ENOX1: variants seen among roughly 807,000 people sequenced by gnomAD.
ENOX1 encodes candidate growth-related and time keeping constitutive hydroquinone (NADH) oxidase.
A neutral mutation model predicts 82.5 loss-of-function variants in ENOX1; 42 were observed. The observed-to-expected ratio is 0.51, with a 90% CI of 0.40 to 0.66. The LOEUF is 0.66. ENOX1 is among the 30% of genes least tolerant of loss of function. ENOX1 has a pLI of 0.00. For synonymous variants in ENOX1, 271 were observed against 282.2 expected (o/e 0.96, Z 0.40); for missense variants, 608 against 811.6 (o/e 0.75, Z 3.05).
Position 43,265,248 on chromosome 13 carries a change from T to C in ENOX1, c.1611+150A>G, listed in dbSNP as rs1228671357. The C allele has an allele frequency of 6.8e-6, 4 of 588,036 alleles. No individual in the cohort carries two copies. In the Admixed American group the frequency reaches 1.2e-4, roughly 17 times the overall value. The allele number at this position is 588,036 out of a possible 1,614,324, so 36.4% of individuals were successfully genotyped here. On this transcript the variant is annotated intron_variant, in intron 14 of 16. Coordinates refer to ENST00000690772, the MANE Select transcript of ENOX1 (RefSeq NM_001347969.2). ...GGCTGACAATAGCAGTGCCTGTCAA[T>C]CACATTTTCTTGCCAAACCCATATA...
intron 11 of ENOX1, among the ~76,000 whole-genome samples, chr13:43,310,615 C>A (rs1194916011): frequency 6.6e-6 from 1 of 151,954 alleles, no homozygotes; most frequent in East Asian, 1.9e-4. Context: ...TCCTTAGGAG[C>A]CTAAGTGTTA....
intron 15 of ENOX1, among the ~76,000 whole-genome samples, chr13:43,227,688 C>T (rs1238141175): frequency 6.6e-6 from 1 of 152,008 alleles, no homozygotes; most frequent in Non-Finnish European, 1.5e-5. Context: ...GATTAGAAGT[C>T]CTGACGTGGA....
chr13:43,697,156 G>T (rs2086680881), intron 1 of ENOX1, among the ~76,000 whole-genome samples: 1 of 152,140 alleles, frequency 6.6e-6, no homozygotes, highest in Non-Finnish European at 1.5e-5. Flanking sequence ...AGTAGGAGCG[G>T]GAAGGAAATG....
chr13:43,484,427 T>G (rs923461581), intron 2 of ENOX1, among the ~76,000 whole-genome samples: 4 of 152,132 alleles, frequency 2.6e-5, no homozygotes, highest in African/African-American at 9.7e-5. Context: ...GTGGGCAGGG[T>G]ATGAGCACAA....
chr13:43,770,686 T>TACACAC (rs149111203), intron 1 of ENOX1, among the ~76,000 whole-genome samples: 2,187 of 146,204 alleles, frequency 0.015, 20 homozygotes, highest in Non-Finnish European at 0.02. Context: ...TACGTATGTG[T>TACACAC]ACACACACAC....
intron 1 of ENOX1, among the ~76,000 whole-genome samples, chr13:43,693,150 T>TC (rs1378661186): frequency 6.6e-6 from 1 of 152,170 alleles, no homozygotes; most frequent in Non-Finnish European, 1.5e-5. Context: ...TAAATCATCA[T>TC]CTCTAAGAGG....
intron 1 of ENOX1, among the ~76,000 whole-genome samples, chr13:43,777,202 G>A (rs1951967729): frequency 6.6e-6 from 1 of 152,214 alleles, no homozygotes; most frequent in Non-Finnish European, 1.5e-5. Context: ...ATGCTGCTAT[G>A]CAGAATCCAC....
intron 1 of ENOX1, among the ~76,000 whole-genome samples, chr13:43,689,363 TC>T (rs769668615): frequency 1.3e-5 from 2 of 152,126 alleles, no homozygotes; most frequent in Non-Finnish European, 2.9e-5. Flanking sequence ...AAAAGGAAGA[TC>T]CAGCAAAGTA....
At position 43,786,817 on chromosome 13, in the gene ENOX1, T is replaced by TCTG. The variant is rs922046415; in HGVS notation, c.-453_-451dup. The TCTG allele has an allele frequency of 1.5e-5, 2 of 134,220 alleles. No individual in the cohort carries two copies. The highest frequency in any genetic ancestry group is 6.0e-5 in the African/African-American group (2 of 33,336). The allele number at this position is 134,220 out of a possible 1,614,324, so 8.3% of individuals were successfully genotyped here. A position where few individuals can be genotyped will look rare whatever the true frequency, so the allele number is the denominator to read the frequency against. ...CGGCCGGGCTGCAGTCGCCGTTCCC[T>TCTG]CTGCTGCCGCCGCCGCTGCAGCAGA... On this transcript the variant is annotated 5_prime_UTR_variant, in exon 1 of 17. Coordinates refer to ENST00000690772, the MANE Select transcript of ENOX1 (RefSeq NM_001347969.2). The surrounding 1 kb of genome is among the most constrained non-coding windows in gnomAD (Gnocchi z 6.0).
Position 43,408,500 on chromosome 13 carries a change from C to T in ENOX1, c.208+3416G>A, listed in dbSNP as rs2053930391. On this transcript the variant is annotated intron_variant, in intron 5 of 16. Transcript: ENST00000690772. ...TGGAAGGAAGGTTACACTAAATAATCTTTAAGTCCCTTCTGAAACATTAAA... is the reference window on the plus strand; with the variant it reads ...TGGAAGGAAGGTTACACTAAATAATTTTTAAGTCCCTTCTGAAACATTAAA... 2.0e-5 allele frequency among the ~76,000 whole-genome samples: 3 copies of T among 152,166 alleles called. No homozygotes were observed. In the South Asian group the frequency reaches 6.2e-4, roughly 32 times the overall value.
At chr13:43,749,878 T>G (rs955342543) in intron 1 of ENOX1, among the ~76,000 whole-genome samples, 1 of 152,220 alleles carries the variant, frequency 6.6e-6, no homozygotes, top group Non-Finnish European at 1.5e-5. Context: ...GATCCTTTGT[T>G]GAATTTATTA....
intron 15 of ENOX1, 31 bp from the exon 16 acceptor site, chr13:43,224,169 T>C: frequency 6.5e-7 from 1 of 1,550,106 alleles, no homozygotes; most frequent in Non-Finnish European, 8.9e-7. Flanking sequence ...TTGGAAATTA[T>C]TCAAAGGCAT....
At chr13:43,338,814 T>C (rs2048879577) in intron 9 of ENOX1, among the ~76,000 whole-genome samples, 1 of 150,346 alleles carries the variant, frequency 6.7e-6, no homozygotes, top group Non-Finnish European at 1.5e-5. Flanking sequence ...GCCTCCCGAG[T>C]ATCTGGGACT....
At position 43,356,141 on chromosome 13, in the gene ENOX1, G is replaced by C. The variant is rs778444392; in HGVS notation, c.601C>G (p.Arg201Gly). The change falls in exon 8 of 17, where the codon CGA (arginine) becomes GGA (glycine). Residue 201 changes from arginine (R) to glycine (G), a missense_variant. Physicochemically the swap from Arg to Gly is moderately radical, Grantham distance 125 (BLOSUM62 -2). Coordinates refer to ENST00000690772, the MANE Select transcript of ENOX1 (RefSeq NM_001347969.2). The part of the protein sequence containing the change: ...KAIYLSGYRM[R>G]LGSSTDKKDS... ...TTTTTGTCGGTGCTAGACCCTAATC[G>C]CATCCTATAACCTGAAACCAATGGA... The C allele has an allele frequency of 6.2e-7, 1 of 1,613,854 alleles. No homozygotes were observed. Among genetic ancestry groups the C allele is most frequent in the Admixed American group, 1.7e-5 (1 of 59,994 alleles).
rs574105680 is a variant in ENOX1 at position 43,689,079 on chromosome 13, G to A, written c.-284-21535C>T. On this transcript the variant is annotated intron_variant, in intron 1 of 16. Transcript: ENST00000690772. The stretch of plus-strand genomic sequence containing the variant: ...CATCCATCCTACTCAGCCAAAAGGA[G>A]GAAAGTTCAGAGACAAGCATTTGTA... Among the ~76,000 whole-genome samples, 13 of 152,286 alleles carry A rather than the reference G, an allele frequency of 8.5e-5. No homozygotes were observed. The East Asian group carries it at 2.5e-3, about 29-fold the overall frequency.
chr13:43,418,151 G>C (rs2054745279), intron 3 of ENOX1, among the ~76,000 whole-genome samples: 1 of 150,364 alleles, frequency 6.7e-6, no homozygotes, highest in African/African-American at 2.5e-5. Flanking sequence ...AGAGGTTGTA[G>C]AGCCGAGATC....
chr13:43,323,621 ATC>A (rs1292487769), intron 10 of ENOX1, among the ~76,000 whole-genome samples: 3 of 152,224 alleles, frequency 2.0e-5, no homozygotes, highest in African/African-American at 7.2e-5. Context: ...TACATGTACT[ATC>A]TTCAGAAATA....
chr13:43,229,575 A>C (rs1267799961), intron 15 of ENOX1, among the ~76,000 whole-genome samples: 8 of 152,200 alleles, frequency 5.3e-5, no homozygotes, highest in Non-Finnish European at 1.0e-4. Flanking sequence ...AGGAAACCAA[A>C]AGAGTGGTTC....
At chr13:43,733,489 C>T (rs1045011738) in intron 1 of ENOX1, among the ~76,000 whole-genome samples, 4 of 152,152 alleles carry the variant, frequency 2.6e-5, no homozygotes, top group Non-Finnish European at 4.4e-5. Flanking sequence ...TAAGCCACAT[C>T]GTATGAGGCG....
Sources: gnomAD v4.1 joint callset for allele counts (sites outside exome capture counted in the v4.1 genomes callset) on GRCh38, gnomAD v4.1.1 for gene constraint, Gnocchi (gnomAD v3.1) non-coding constraint, MANE v1.5 for transcripts, NCBI Gene and HGNC (gene_info 2026-07-23, HGNC 2026-07-21) for gene names.